USP49: variants seen among roughly 807,000 people sequenced by gnomAD.
USP49 encodes the protein ubiquitin carboxyl-terminal hydrolase 49.
USP49 carries 24 observed loss-of-function variants against 58.6 expected under a neutral mutation model. That is an observed-to-expected ratio of 0.41 (90% CI 0.30 to 0.58). The LOEUF is 0.58. Ranked by LOEUF, USP49 falls within the 20% of genes least tolerant of loss-of-function variation. USP49 has a pLI of 0.30. For synonymous variants in USP49, 408 were observed against 365.1 expected (o/e 1.12, Z -1.34); for missense variants, 703 against 866.1 (o/e 0.81, Z 2.36).
At chr6:41,811,939 T>G (rs1486727963) in intron 3 of USP49, among the ~76,000 whole-genome samples, 1 of 152,184 alleles carries the variant, frequency 6.6e-6, no homozygotes, top group African/African-American at 2.4e-5. Context: ...CTCTCACTAA[T>G]TCAATATTCT....
At chr6:41,849,492 T>A (rs530393013) in intron 3 of USP49, among the ~76,000 whole-genome samples, 4 of 152,176 alleles carry the variant, frequency 2.6e-5, no homozygotes, top group Non-Finnish European at 5.9e-5. Context: ...AACAGCAGAA[T>A]ATACATTCTT....
rs1397839378 is a variant in USP49 at position 41,796,658 on chromosome 6, G to A, written c.1942C>T (p.Gln648Ter). Residue 648 changes from glutamine to a stop codon, truncating the protein, a stop_gained, in exon 8 of 8, where the codon CAG (glutamine) becomes TAG (stop). Transcript: ENST00000682992. LOFTEE classifies it high-confidence loss of function. Reference sequence around the variant, plus strand: ...TGAGTGTAAAAAAGGATGTAGGCCTGGGTTTTGCACACTTCCTCGACACTG... The same window carrying A: ...TGAGTGTAAAAAAGGATGTAGGCCTAGGTTTTGCACACTTCCTCGACACTG... Reference protein sequence around the residue: ...VCSVEEVCKTQAYILFYTQRT... With the variant: ...VCSVEEVCKT 1.4e-6 allele frequency: 1 copy of A among 717,448 alleles called. No individual in the cohort carries two copies. The highest frequency in any genetic ancestry group is 2.6e-6 in the Non-Finnish European group (1 of 385,108). 44.4% of individuals were successfully genotyped at this position (717,448 alleles called of 1,614,324 possible).
intron 3 of USP49, among the ~76,000 whole-genome samples, chr6:41,809,908 T>C (rs1773219641): frequency 4.0e-5 from 6 of 151,008 alleles, no homozygotes; most frequent in African/African-American, 4.9e-5. Flanking sequence ...TCCCAGCATT[T>C]TGGGAGGCCG....
At chr6:41,810,490 C>T (rs1187765060) in intron 3 of USP49, among the ~76,000 whole-genome samples, 1 of 149,044 alleles carries the variant, frequency 6.7e-6, no homozygotes, top group Non-Finnish European at 1.5e-5. Flanking sequence ...ACTTCGTCTC[C>T]AAAAAATAAA....
chr6:41,873,112 G>A (rs146788248), intron 2 of USP49: 2 of 152,298 alleles, frequency 1.3e-5, no homozygotes, highest in Admixed American at 6.6e-5. Context: ...GAGGAGGAGA[G>A]GGAAAGAAAA....
intron 3 of USP49, among the ~76,000 whole-genome samples, chr6:41,848,552 T>A (rs994646930): frequency 5.3e-5 from 8 of 151,890 alleles, no homozygotes; most frequent in Admixed American, 2.6e-4. Context: ...ATATATATAT[T>A]TTTTGGAGAA....
Position 41,806,718 on chromosome 6 carries a change from T to G in USP49, c.266A>C (p.Glu89Ala). The G allele has an allele frequency of 6.2e-7, 1 of 1,614,232 alleles. No individual in the cohort carries two copies. Among genetic ancestry groups the G allele is most frequent in the Non-Finnish European group, 8.5e-7 (1 of 1,180,038 alleles). Residue 89 changes from glutamate to alanine, a missense_variant, in exon 4 of 8, where the codon GAG (glutamate) becomes GCG (alanine). Physicochemically the swap from Glu to Ala is moderately radical, Grantham distance 107. Coordinates refer to ENST00000682992, the MANE Select transcript of USP49 (RefSeq NM_001286554.2). This position sits in a 1 kb window ranked among gnomAD's most constrained non-coding sequence, Gnocchi z 5.9. ...CKDYVLNDNP[E>A]GDLKLLRSSL... is the part of the protein sequence containing the mutation. The stretch of plus-strand genomic sequence containing the variant: ...GCTTCTTAGCAGCTTCAGGTCCCCC[T>G]CTGGGTTATCATTGAGCACGTAGTC...
intron 3 of USP49, among the ~76,000 whole-genome samples, chr6:41,861,188 A>T (rs1774215047): frequency 6.6e-6 from 1 of 152,078 alleles, no homozygotes; most frequent in African/African-American, 2.4e-5. Context: ...TCACGCCTGT[A>T]ATCTCAGCAC....
chr6:41,832,150 C>G (rs181983176), intron 3 of USP49, among the ~76,000 whole-genome samples: 24 of 152,058 alleles, frequency 1.6e-4, no homozygotes, highest in Admixed American at 2.0e-4. Flanking sequence ...GCACAAGGCT[C>G]TTGATATAAA....
intron 3 of USP49, among the ~76,000 whole-genome samples, chr6:41,851,856 G>A (rs545606867): frequency 6.7e-6 from 1 of 148,590 alleles, no homozygotes; most frequent in African/African-American, 2.5e-5. Flanking sequence ...TCGGGAGGCT[G>A]AGGCAGACAA....
chr6:41,811,487 T>C (rs1773256879), intron 3 of USP49, among the ~76,000 whole-genome samples: 1 of 152,222 alleles, frequency 6.6e-6, no homozygotes, highest in African/African-American at 2.4e-5. Flanking sequence ...TATATAGGGT[T>C]CGATACTATC....
Position 41,798,761 on chromosome 6 carries a change from T to C in USP49, c.1839A>G (p.Ser613=). 1.2e-6 allele frequency: 2 copies of C among 1,614,140 alleles called. No homozygotes were observed. The highest frequency in any genetic ancestry group is 1.1e-5 in the South Asian group (1 of 91,078). ...VVMHHGKGFG[S]GHYTAYCYNT... ...TGTAGCAATAGGCTGTGTAGTGTCC[T>C]GAGCCAAACCCTTTCCCGTGATGCA... The change falls in exon 7 of 8, where the codon TCA becomes TCG. Residue 613 remains serine, a synonymous_variant. Coordinates refer to ENST00000682992, the MANE Select transcript of USP49 (RefSeq NM_001286554.2).
At chr6:41,798,248 C>G (rs952566359) in intron 7 of USP49, 2 of 173,952 alleles carry the variant, frequency 1.1e-5, no homozygotes, top group African/African-American at 2.4e-5. Context: ...AGTAATATAC[C>G]CAAAATTTGA....
intron 3 of USP49, among the ~76,000 whole-genome samples, chr6:41,853,611 C>T (rs1436526281): frequency 6.6e-6 from 1 of 152,116 alleles, no homozygotes; most frequent in East Asian, 1.9e-4. Context: ...TCAGAGTTTA[C>T]AATCTCATAT....
At chr6:41,797,514 G>T in intron 7 of USP49, 1 of 527,496 alleles carries the variant, frequency 1.9e-6, no homozygotes, top group Non-Finnish European at 2.4e-6. Context: ...CACATCTGCA[G>T]CCCATCAGTC....
At chr6:41,823,387 T>C (rs1383886064) in intron 3 of USP49, among the ~76,000 whole-genome samples, 2 of 152,236 alleles carry the variant, frequency 1.3e-5, no homozygotes, top group Non-Finnish European at 2.9e-5. Context: ...TGGTTTACTA[T>C]GTTTTCCTTA....
chr6:41,885,853 G>A (rs1774701548), intron 2 of USP49, among the ~76,000 whole-genome samples: 1 of 152,078 alleles, frequency 6.6e-6, no homozygotes, highest in Non-Finnish European at 1.5e-5. Context: ...GGATAACAAG[G>A]TAAACTACAC....
At chr6:41,835,347 T>A in intron 3 of USP49, among the ~76,000 whole-genome samples, 1 of 152,166 alleles carries the variant, frequency 6.6e-6, no homozygotes, top group Non-Finnish European at 1.5e-5. Context: ...TTAATTGCAA[T>A]TTAGATTTGC....
chr6:41,888,844 T>C (rs1057403892), intron 2 of USP49, among the ~76,000 whole-genome samples: 10 of 152,096 alleles, frequency 6.6e-5, no homozygotes, highest in African/African-American at 2.4e-5. Flanking sequence ...GTTTATCAAA[T>C]GGACAGGCCA....
Sources: allele counts gnomAD v4.1 joint callset (sites outside exome capture counted in the v4.1 genomes callset), GRCh38; gene constraint gnomAD v4.1.1; non-coding constraint Gnocchi (gnomAD v3.1); transcripts MANE v1.5; gene names NCBI Gene and HGNC (gene_info 2026-07-23, HGNC 2026-07-21).